NRXN1: variants seen among roughly 807,000 people sequenced by gnomAD.
The protein encoded by NRXN1 is neurexin-1.
In NRXN1, 39 loss-of-function variants were observed where a neutral mutation model predicts 150.9. The observed-to-expected ratio is 0.26, with a 90% CI of 0.20 to 0.34. NRXN1 has a LOEUF of 0.34. Among genes scored for constraint, NRXN1 ranks in the 10% least tolerant of loss-of-function variants. NRXN1 has a pLI of 1.00. For missense variants in NRXN1, 1,815 were observed against 1,949.9 expected (o/e 0.93, Z 1.30); for synonymous variants, 924 against 757.0 (o/e 1.22, Z -3.62).
At chr2:50,425,894 C>T (rs553136280) in intron 17 of NRXN1, among the ~76,000 whole-genome samples, 20 of 152,240 alleles carry the variant, frequency 1.3e-4, no homozygotes, top group South Asian at 1.2e-3. Flanking sequence ...CACCGGTATT[C>T]TTCAAAAACA....
intron 18 of NRXN1, among the ~76,000 whole-genome samples, chr2:50,163,907 C>T (rs1340218555): frequency 3.3e-5 from 5 of 152,156 alleles, no homozygotes; most frequent in Admixed American, 6.6e-5. Context: ...GCAACTACCA[C>T]TTTGAGCTAA....
intron 2 of NRXN1, among the ~76,000 whole-genome samples, chr2:50,951,964 T>TATATATA (rs1491120783): frequency 6.8e-5 from 3 of 44,326 alleles, no homozygotes; most frequent in Non-Finnish European, 8.2e-5. Flanking sequence ...TATATATATA[T>TATATATA]TTTTTTTTTT....
chr2:50,374,586 T>C (rs942313177), intron 17 of NRXN1, among the ~76,000 whole-genome samples: 2 of 152,072 alleles, frequency 1.3e-5, no homozygotes, highest in African/African-American at 4.8e-5. Flanking sequence ...ACAGCACTCA[T>C]AAACACATAG....
At chr2:50,932,043 T>C (rs536707679) in intron 2 of NRXN1, among the ~76,000 whole-genome samples, 2 of 152,086 alleles carry the variant, frequency 1.3e-5, no homozygotes, top group East Asian at 2.0e-4. Context: ...TGCATTTTTT[T>C]AGTAGACACA....
intron 17 of NRXN1, among the ~76,000 whole-genome samples, chr2:50,252,927 G>GT (rs2067302759): frequency 6.6e-6 from 1 of 152,076 alleles, no homozygotes; most frequent in South Asian, 2.1e-4. Context: ...TTTTAAAATG[G>GT]TTTTTTCTAA....
intron 5 of NRXN1, among the ~76,000 whole-genome samples, chr2:50,706,762 T>C (rs1694501088): frequency 1.3e-5 from 2 of 152,110 alleles, no homozygotes; most frequent in South Asian, 4.2e-4. Context: ...AATTTCAATA[T>C]GATAGCAGAA....
At chr2:50,933,413 C>T (rs145482492) in intron 2 of NRXN1, among the ~76,000 whole-genome samples, 3 of 152,150 alleles carry the variant, frequency 2.0e-5, no homozygotes, top group African/African-American at 4.8e-5. Context: ...CTTACATACT[C>T]GCTGTGTAGT....
intron 18 of NRXN1, among the ~76,000 whole-genome samples, chr2:50,120,806 T>C (rs1391233672): frequency 2.0e-5 from 3 of 152,220 alleles, no homozygotes; most frequent in Non-Finnish European, 2.9e-5. Flanking sequence ...CTGTCCTTAC[T>C]GTGGCAACAA....
intron 5 of NRXN1, among the ~76,000 whole-genome samples, chr2:50,821,186 T>G (rs1254038551): frequency 1.3e-5 from 2 of 152,210 alleles, no homozygotes; most frequent in Non-Finnish European, 2.9e-5. Flanking sequence ...TAATCCAAGC[T>G]TGTCCAACCC....
chr2:50,475,458 T>A (rs1165752045), intron 15 of NRXN1, among the ~76,000 whole-genome samples: 3 of 152,088 alleles, frequency 2.0e-5, no homozygotes, highest in African/African-American at 7.2e-5. Context: ...TGCACCAACT[T>A]ACTTCCTTTT....
At chr2:50,744,123 A>C (rs531932266) in intron 5 of NRXN1, among the ~76,000 whole-genome samples, 1 of 152,246 alleles carries the variant, frequency 6.6e-6, no homozygotes, top group African/African-American at 2.4e-5. Flanking sequence ...ACAATTTTAA[A>C]TGTTATTACT....
chr2:50,741,233 A>AATAAC (rs1213932501), intron 5 of NRXN1, among the ~76,000 whole-genome samples: 1 of 152,166 alleles, frequency 6.6e-6, no homozygotes, highest in Non-Finnish European at 1.5e-5. Context: ...CCTGCCAAAT[A>AATAAC]ATAAATGATC....
chr2:50,166,599 T>C lies in NRXN1; in HGVS notation c.3546+70190A>G, dbSNP rs1039135670. 5.3e-5 allele frequency among the ~76,000 whole-genome samples: 8 copies of C among 152,196 alleles called. 1 individual carries two copies. Among genetic ancestry groups the C allele is most frequent in the Admixed American group, 3.3e-4 (5 of 15,276 alleles). On this transcript the variant is annotated intron_variant, in intron 18 of 22. Coordinates refer to ENST00000401669, the MANE Select transcript of NRXN1 (RefSeq NM_001330078.2). ...TACAGAAATGTAAGCTAAAAAAATA[T>C]ATGTGTTTTTTGGCTACTAACTTTG... is the stretch of plus-strand genomic sequence containing the variant.
rs967526793 is a variant in NRXN1, at chr2:50,347,292, G to A, written c.3365-110322C>T. ...GAGATACTCCCAAAGAGTTTCGGGC[G>A]AGAGTGCGTGCCGGCGGGTGGGGGG... On this transcript the variant is annotated intron_variant, in intron 17 of 22. Coordinates refer to ENST00000401669, the MANE Select transcript of NRXN1 (RefSeq NM_001330078.2). This position sits in a 1 kb window ranked among gnomAD's most constrained non-coding sequence, Gnocchi z 4.9. The A allele has an allele frequency of 5.4e-6, 7 of 1,285,564 alleles. No homozygotes were observed. The highest frequency in any genetic ancestry group is 1.5e-5 in the African/African-American group (1 of 65,196). The allele number at this position is 1,285,564 out of a possible 1,614,324, so 79.6% of individuals were successfully genotyped here.
Position 50,701,055 on chromosome 2 carries a change from G to C in NRXN1, c.833-77440C>G, listed in dbSNP as rs575915635. ...CAGAAATAAAATTTAGTTCTAGTTAGACACCCTGCTCTTTGAAATTAAAAA... is the reference window on the plus strand; with the variant it reads ...CAGAAATAAAATTTAGTTCTAGTTACACACCCTGCTCTTTGAAATTAAAAA... On this transcript the variant is annotated intron_variant, in intron 5 of 22. Coordinates refer to ENST00000401669, the MANE Select transcript of NRXN1 (RefSeq NM_001330078.2). Among the ~76,000 whole-genome samples, 96 of 152,224 alleles carry C rather than the reference G, an allele frequency of 6.3e-4. 2 individuals are homozygous for C. In the South Asian group the frequency reaches 0.02, roughly 31 times the overall value.
intron 2 of NRXN1, among the ~76,000 whole-genome samples, chr2:50,933,133 C>T (rs537594586): frequency 6.6e-6 from 1 of 152,052 alleles, no homozygotes; most frequent in Non-Finnish European, 1.5e-5. Flanking sequence ...TGTGTTTACC[C>T]ATGGGCATTC....
At chr2:50,562,392 T>C (rs1372823942) in intron 8 of NRXN1, among the ~76,000 whole-genome samples, 2 of 152,004 alleles carry the variant, frequency 1.3e-5, no homozygotes, top group South Asian at 2.1e-4. Flanking sequence ...CCTTTCCTCA[T>C]TGATCTGCAT....
At chr2:50,967,950 A>G (rs1694362090) in intron 2 of NRXN1, among the ~76,000 whole-genome samples, 1 of 152,088 alleles carries the variant, frequency 6.6e-6, no homozygotes, top group African/African-American at 2.4e-5. Context: ...ATGGATAATG[A>G]TTACACTTCT....
intron 17 of NRXN1, among the ~76,000 whole-genome samples, chr2:50,248,542 T>C (rs1406604349): frequency 6.6e-6 from 1 of 152,160 alleles, no homozygotes; most frequent in African/African-American, 2.4e-5. Context: ...ATGAACATAT[T>C]CTAAAAATGC....
Sources: gnomAD v4.1 joint callset for allele counts (sites outside exome capture counted in the v4.1 genomes callset) on GRCh38, gnomAD v4.1.1 for gene constraint, Gnocchi (gnomAD v3.1) non-coding constraint, MANE v1.5 for transcripts, NCBI Gene and HGNC (gene_info 2026-07-23, HGNC 2026-07-21) for gene names.